The following COX7B variants were observed in gnomAD, a reference collection of about 807,000 sequenced individuals.
COX7B encodes cytochrome c oxidase subunit 7B, also known as cytochrome c oxidase subunit 7B, mitochondrial.
A neutral mutation model predicts 7.9 loss-of-function variants in COX7B; 2 were observed. The observed-to-expected ratio is 0.25, with a 90% CI of 0.10 to 0.79. The LOEUF is 0.79. Among genes scored for constraint, COX7B ranks in the 30% least tolerant of loss-of-function variants. The pLI is 0.69. For synonymous variants in COX7B, 19 were observed against 21.1 expected, an observed-to-expected ratio of 0.90 and a Z score of 0.27; for missense variants, 54 against 62.7, an observed-to-expected ratio of 0.86 and a Z score of 0.47.
intron 2 of COX7B, chrX:77,902,998 C>A: frequency 3.5e-6 from 1 of 283,884 alleles, no homozygotes; most frequent in Non-Finnish European, 6.1e-6. Context: ...GCAGCCCTTT[C>A]CATCTTGTGT....
chrX:77,899,899 T>G (rs1215564800), intron 1 of COX7B, among the ~76,000 whole-genome samples: 1 of 111,903 alleles, frequency 8.9e-6, no homozygotes, highest in Non-Finnish European at 1.9e-5. Context: ...TTAAGTGATG[T>G]CCTACATTTT....
At chrX:77,902,830 A>G (rs2077124237) in intron 2 of COX7B, 63 bp downstream of exon 2, 1 of 1,088,458 alleles carries the variant, frequency 9.2e-7, no homozygotes, top group Admixed American at 2.3e-5. Flanking sequence ...TATGCATTCA[A>G]AGTGTCTTAA....
intron 1 of COX7B, among the ~76,000 whole-genome samples, chrX:77,901,310 A>G (rs1235437578): frequency 1.1e-4 from 12 of 107,467 alleles, no homozygotes; most frequent in African/African-American, 3.7e-4. Context: ...CAGTGGCTCA[A>G]TCTTGGTTCA....
Position 77,902,758 on chromosome X carries a change from A to G in COX7B, c.156A>G (p.Thr52=), listed in dbSNP as rs782763224. Residue 52 remains threonine (T), a synonymous_variant, in exon 2 of 3, where the codon ACA becomes ACG. Coordinates refer to ENST00000650309, the MANE Select transcript of COX7B (RefSeq NM_001866.3). ...GTGGAGCCACTTTCTGTATTGTTAC[A>G]TGGACATATGTAAGTACTATTGATT... ...LASGATFCIV[T]WTYVATQVGI... is the part of the protein sequence containing the mutation. The G allele has an allele frequency of 1.7e-6, 2 of 1,206,154 alleles. No individual in the cohort carries two copies. Among genetic ancestry groups the G allele is most frequent in the South Asian group, 1.8e-5 (1 of 56,486 alleles).
intron 1 of COX7B, 74 bp downstream of exon 1, chrX:77,899,667 C>G: frequency 9.9e-7 from 1 of 1,013,568 alleles, no homozygotes; most frequent in South Asian, 2.0e-5. Flanking sequence ...CGTGTGCTTT[C>G]CTTTTACGAA....
chrX:77,903,678 A>AT, intron 2 of COX7B, among the ~76,000 whole-genome samples: 1 of 110,798 alleles, frequency 9.0e-6, no homozygotes, highest in South Asian at 3.8e-4. Context: ...TCTATCAGTA[A>AT]TTTTTTTGTT....
chrX:77,904,641 C>CAA (rs782806719), intron 2 of COX7B, among the ~76,000 whole-genome samples: 1 of 64,150 alleles, frequency 1.6e-5, no homozygotes, highest in Non-Finnish European at 3.0e-5. Context: ...GAGACTGTCT[C>CAA]AAAAAAAAAA....
intron 1 of COX7B, among the ~76,000 whole-genome samples, chrX:77,901,248 C>CTT (rs782110158): frequency 4.1e-5 from 4 of 98,461 alleles, no homozygotes; most frequent in Admixed American, 1.1e-4. Context: ...ATTGCAGTTT[C>CTT]TTTTTTTTTT....
Position 77,902,763 on chromosome X carries a change from C to T in COX7B, c.161C>T (p.Thr54Ile). The T allele has an allele frequency of 8.3e-7, 1 of 1,203,196 alleles. No homozygotes were observed. Among genetic ancestry groups the T allele is most frequent in the Non-Finnish European group, 1.1e-6 (1 of 890,004 alleles). ...GCCACTTTCTGTATTGTTACATGGACATATGTAAGTACTATTGATTAATAA... is the reference window on the plus strand; with the variant it reads ...GCCACTTTCTGTATTGTTACATGGATATATGTAAGTACTATTGATTAATAA... ...SGATFCIVTW[T>I]YVATQVGIEW... Residue 54 changes from threonine (T) to isoleucine (I), a missense_variant, in exon 2 of 3, where the codon ACA becomes ATA. Thr to Ile is a moderately conservative substitution (Grantham distance 89, BLOSUM62 -1). Coordinates refer to ENST00000650309, the MANE Select transcript of COX7B (RefSeq NM_001866.3).
chrX:77,906,974 GTTTTGTTTTGTT>G lies in COX7B; in HGVS notation c.*1723_*1734del, dbSNP rs1421827747. 1.0e-5 allele frequency: 1 copy of G among 99,513 alleles called. No homozygotes were observed. The highest frequency in any genetic ancestry group is 1.9e-5 in the Non-Finnish European group (1 of 52,557). The allele number at this position is 99,513 out of a possible 1,213,427, so 8.2% of individuals were successfully genotyped here. On this transcript the variant is annotated 3_prime_UTR_variant, in exon 3 of 3. Transcript: ENST00000650309. ...CTGAGAGCTGTAGTCTGTGGTAGTTGTTTTGTTTTGTTTTTTGTTTTTTTTTTGTAGTTTTCT... is the reference window on the plus strand; with the variant it reads ...CTGAGAGCTGTAGTCTGTGGTAGTTGTTTTGTTTTTTTTTTGTAGTTTTCT...
rs1557221144 is a variant in COX7B, at chrX:77,906,178, A to T, written c.*917A>T. On this transcript the variant is annotated 3_prime_UTR_variant, in exon 3 of 3. Coordinates refer to ENST00000650309, the MANE Select transcript of COX7B (RefSeq NM_001866.3). ...AAGCTGAAATTATAAATAACTGATC[A>T]TGGAACTATTGCAGATCACCTTTGA... is the stretch of plus-strand genomic sequence containing the variant. The T allele has an allele frequency of 8.9e-6, 1 of 112,409 alleles. No individual in the cohort carries two copies. The highest frequency in any genetic ancestry group is 3.2e-5 in the African/African-American group (1 of 30,959). The allele number at this position is 112,409 out of a possible 1,213,427, so 9.3% of individuals were successfully genotyped here. A position where few individuals can be genotyped will look rare whatever the true frequency, so the allele number is the denominator to read the frequency against.
At position 77,906,960 on chromosome X, in the gene COX7B, AGTCTGTGGTAGTTGTTTT is replaced by A. The variant is rs1557221229; in HGVS notation, c.*1702_*1719del. The A allele has an allele frequency of 1.8e-5, 2 of 109,112 alleles. No individual in the cohort carries two copies. The highest frequency in any genetic ancestry group is 6.9e-5 in the African/African-American group (2 of 28,929). The allele number at this position is 109,112 out of a possible 1,213,427, so 9.0% of individuals were successfully genotyped here. On this transcript the variant is annotated 3_prime_UTR_variant, in exon 3 of 3. Transcript: ENST00000650309. ...CATTACTTTCTTGGCTGAGAGCTGT[AGTCTGTGGTAGTTGTTTT>A]GTTTTGTTTTTTGTTTTTTTTTTGT...
At position 77,899,499 on chromosome X, in the gene COX7B, C is replaced by G; in HGVS notation, c.-55C>G. The G allele has an allele frequency of 4.2e-6, 5 of 1,183,576 alleles. No individual in the cohort carries two copies. The highest frequency in any genetic ancestry group is 5.7e-6 in the Non-Finnish European group (5 of 870,768). On this transcript the variant is annotated 5_prime_UTR_variant, in exon 1 of 3. Transcript: ENST00000650309. The stretch of plus-strand genomic sequence containing the variant: ...CAGCTCACTTCAAGGGTACCTGAAG[C>G]GAATTGGCACCAAAGCAGCAGCTGT...
intron 2 of COX7B, among the ~76,000 whole-genome samples, chrX:77,904,422 G>C (rs1167172476): frequency 1.9e-5 from 2 of 106,929 alleles, no homozygotes; most frequent in East Asian, 6.0e-4. Context: ...AGGCCCTGGC[G>C]GGTGGATCAC....
chrX:77,906,241 C>T lies in COX7B; in HGVS notation c.*980C>T, dbSNP rs1189248268. On this transcript the variant is annotated 3_prime_UTR_variant, in exon 3 of 3. Transcript: ENST00000650309. ...GCCTGGATTTTGGTTATGCCTACTA[C>T]TATGTGCCTCTCATTTGTATTTATA... is the stretch of plus-strand genomic sequence containing the variant. 8.9e-6 allele frequency: 1 copy of T among 112,216 alleles called. No homozygotes were observed. Among genetic ancestry groups the T allele is most frequent in the Non-Finnish European group, 1.9e-5 (1 of 53,303 alleles). 9.2% of individuals were successfully genotyped at this position (112,216 alleles called of 1,213,427 possible). A position where few individuals can be genotyped will look rare whatever the true frequency, so the allele number is the denominator to read the frequency against.
intron 2 of COX7B, 180 bp downstream of exon 2, chrX:77,902,947 TC>T (rs2077124739): frequency 2.8e-6 from 1 of 354,950 alleles, no homozygotes; most frequent in East Asian, 4.3e-5. Flanking sequence ...CATCTTCTGT[TC>T]TTAACATTCC....
rs1213148868 is a variant in COX7B at position 77,905,391 on chromosome X, G to C, written c.*130G>C. ...AAGTACATTTGAAACCTTCATTGTA[G>C]GTTTTGTTTCTTTGTAAATGAAACT... On this transcript the variant is annotated 3_prime_UTR_variant, in exon 3 of 3. Coordinates refer to ENST00000650309, the MANE Select transcript of COX7B (RefSeq NM_001866.3). 3 of 450,886 alleles carry C rather than the reference G, an allele frequency of 6.7e-6. No homozygotes were observed. The highest frequency in any genetic ancestry group is 1.1e-5 in the Non-Finnish European group (3 of 267,628). The allele number at this position is 450,886 out of a possible 1,213,427, so 37.2% of individuals were successfully genotyped here.
At position 77,905,170 on chromosome X, in the gene COX7B, T is replaced by A. The variant is rs1557221005; in HGVS notation, c.166-14T>A. 1 of 1,193,986 alleles carries A rather than the reference T, an allele frequency of 8.4e-7. No homozygotes were observed. The highest frequency in any genetic ancestry group is 1.8e-5 in the African/African-American group (1 of 56,953). On this transcript the variant is annotated splice_polypyrimidine_tract_variant and intron_variant, in intron 2 of 2. Coordinates refer to ENST00000650309, the MANE Select transcript of COX7B (RefSeq NM_001866.3). ...GGTTTAAACACGTAACTGACAGCAT[T>A]TTAATTCTTACAGGTAGCAACACAA...
At chrX:77,902,587 T>G (rs1264583897) in intron 1 of COX7B, 56 bp from the exon 2 acceptor site, 1 of 1,183,528 alleles carries the variant, frequency 8.4e-7, no homozygotes, top group Non-Finnish European at 1.1e-6. Flanking sequence ...ACATATGTTT[T>G]CTTTACCTGA....
Sources: allele counts gnomAD v4.1 joint callset (sites outside exome capture counted in the v4.1 genomes callset), GRCh38; gene constraint gnomAD v4.1.1; transcripts MANE v1.5; gene names NCBI Gene and HGNC (gene_info 2026-07-23, HGNC 2026-07-21).